The following IGFBP7 variants were observed in gnomAD, a reference collection of about 807,000 sequenced individuals.
IGFBP7 encodes insulin like growth factor binding protein 7.
A neutral mutation model predicts 29.4 loss-of-function variants in IGFBP7; 31 were observed. The ratio of observed to expected loss-of-function variants is 1.05; its 90% CI spans 0.79 to 1.42. The LOEUF (loss-of-function observed/expected upper bound fraction) is 1.42. IGFBP7 is among the 40% of genes most tolerant of loss of function. The pLI, the probability that IGFBP7 is intolerant of heterozygous loss-of-function variation, is 0.00. For synonymous variants in IGFBP7, 172 were observed against 174.9 expected (o/e 0.98, Z 0.13); for missense variants, 393 against 395.5 (o/e 0.99, Z 0.05).
At chr4:57,073,614 A>C (rs779990992) in intron 1 of IGFBP7, among the ~76,000 whole-genome samples, 6 of 151,862 alleles carry the variant, frequency 4.0e-5, no homozygotes, top group Admixed American at 6.6e-5. Flanking sequence ...AAATTAAATA[A>C]ATAAATAAAT....
chr4:57,107,266 C>T (rs1726056999), intron 1 of IGFBP7, among the ~76,000 whole-genome samples: 1 of 152,152 alleles, frequency 6.6e-6, no homozygotes. Flanking sequence ...GAACCAAAGA[C>T]CAGAGGGCAG....
At chr4:57,061,053 C>T (rs1023672581) in intron 1 of IGFBP7, among the ~76,000 whole-genome samples, 4 of 121,272 alleles carry the variant, frequency 3.3e-5, no homozygotes, top group East Asian at 2.0e-4. Context: ...GAGATTTCGT[C>T]TCTGAAAAAC....
chr4:57,097,174 G>T (rs1177405134), intron 1 of IGFBP7, among the ~76,000 whole-genome samples: 1 of 152,188 alleles, frequency 6.6e-6, no homozygotes, highest in African/African-American at 2.4e-5. Context: ...AAATGTGAGT[G>T]ACCTCTGAAT....
intron 1 of IGFBP7, among the ~76,000 whole-genome samples, chr4:57,107,968 T>C (rs887075968): frequency 1.3e-5 from 2 of 152,246 alleles, no homozygotes; most frequent in African/African-American, 4.8e-5. Context: ...GCTAACCTTC[T>C]GCTCTGATAA....
At chr4:57,037,933 G>T (rs148541606) in intron 2 of IGFBP7, among the ~76,000 whole-genome samples, 1 of 152,342 alleles carries the variant, frequency 6.6e-6, no homozygotes, top group East Asian at 1.9e-4. Flanking sequence ...CAGTAAGGAT[G>T]GAGGGGAACC....
intron 1 of IGFBP7, among the ~76,000 whole-genome samples, chr4:57,088,923 T>A (rs7690671): frequency 0.6 from 91,391 of 151,312 alleles, 29,245 homozygotes; most frequent in Admixed American, 0.74. Flanking sequence ...TCCTAGCTAC[T>A]TGGGAGGCTG....
intron 1 of IGFBP7, among the ~76,000 whole-genome samples, chr4:57,050,245 G>GTTT (rs10547708): frequency 1.5e-5 from 2 of 137,126 alleles, no homozygotes; most frequent in African/African-American, 2.7e-5. Context: ...TTTTATTTAA[G>GTTT]TTTTTTTTTT....
chr4:57,073,382 T>G (rs1302646326), intron 1 of IGFBP7, among the ~76,000 whole-genome samples: 1 of 151,510 alleles, frequency 6.6e-6, no homozygotes, highest in Non-Finnish European at 1.5e-5. Flanking sequence ...ATTGCTTGAG[T>G]TCAGGAGTTC....
intron 1 of IGFBP7, among the ~76,000 whole-genome samples, chr4:57,072,097 G>C (rs1725065640): frequency 6.6e-6 from 1 of 151,952 alleles, no homozygotes. Context: ...CATCACCCAG[G>C]TATTAAGCTC....
At chr4:57,077,820 G>T (rs999408034) in intron 1 of IGFBP7, among the ~76,000 whole-genome samples, 1 of 152,142 alleles carries the variant, frequency 6.6e-6, no homozygotes. Flanking sequence ...ATGACTTAAC[G>T]GTTTGAGCCT....
At chr4:57,095,493 C>T (rs148943369) in intron 1 of IGFBP7, among the ~76,000 whole-genome samples, 309 of 152,218 alleles carry the variant, frequency 2.0e-3, no homozygotes, top group African/African-American at 7.0e-3. Context: ...AATTGTGGGC[C>T]AAACACTGTG....
chr4:57,050,749 G>A (rs1039211183), intron 1 of IGFBP7, among the ~76,000 whole-genome samples: 1 of 151,208 alleles, frequency 6.6e-6, no homozygotes, highest in Non-Finnish European at 1.5e-5. Flanking sequence ...GTAGAGACAG[G>A]GTCTTGCTTT....
intron 1 of IGFBP7, among the ~76,000 whole-genome samples, chr4:57,041,588 C>T (rs1447640803): frequency 2.6e-5 from 4 of 152,070 alleles, no homozygotes; most frequent in Admixed American, 1.3e-4. Context: ...CAGGCTGGAG[C>T]GCAGTGGCTT....
intron 1 of IGFBP7, among the ~76,000 whole-genome samples, chr4:57,097,918 G>T (rs1725798608): frequency 6.6e-6 from 1 of 152,160 alleles, no homozygotes; most frequent in African/African-American, 2.4e-5. Context: ...GTGAGCACTG[G>T]AGACCTGTCA....
At chr4:57,056,411 G>A (rs1376887509) in intron 1 of IGFBP7, among the ~76,000 whole-genome samples, 2 of 152,036 alleles carry the variant, frequency 1.3e-5, no homozygotes, top group Non-Finnish European at 2.9e-5. Context: ...AAGTATTACT[G>A]TGTGTTTGAG....
intron 1 of IGFBP7, among the ~76,000 whole-genome samples, chr4:57,072,002 C>A (rs1718870): frequency 0.46 from 69,016 of 151,412 alleles, 16,766 homozygotes; most frequent in Admixed American, 0.57. Flanking sequence ...ATAAAAAAAA[C>A]CTTTTATTTT....
chr4:57,071,620 C>T (rs1303246889), intron 1 of IGFBP7, among the ~76,000 whole-genome samples: 1 of 152,192 alleles, frequency 6.6e-6, no homozygotes, highest in Non-Finnish European at 1.5e-5. Context: ...CCATCAGGCT[C>T]TCCGCCCAGA....
intron 1 of IGFBP7, among the ~76,000 whole-genome samples, chr4:57,059,326 C>T (rs895083825): frequency 6.6e-6 from 1 of 152,106 alleles, no homozygotes; most frequent in African/African-American, 2.4e-5. Context: ...TTCACCATAG[C>T]AAAGACATGG....
At chr4:57,071,069 A>G (rs1725041781) in intron 1 of IGFBP7, among the ~76,000 whole-genome samples, 1 of 152,212 alleles carries the variant, frequency 6.6e-6, no homozygotes. Context: ...GTCCATGTGC[A>G]TAAGGTGGTG....
Sources: gnomAD v4.1 joint callset for allele counts (sites outside exome capture counted in the v4.1 genomes callset) on GRCh38, gnomAD v4.1.1 for gene constraint, MANE v1.5 for transcripts, NCBI Gene and HGNC (gene_info 2026-07-23, HGNC 2026-07-21) for gene names.